GULP1: variants seen among roughly 807,000 people sequenced by gnomAD.
GULP1 encodes GULP PTB domain containing engulfment adaptor 1.
In GULP1, 19 loss-of-function variants were observed where a neutral mutation model predicts 40.9. The observed-to-expected ratio is 0.46, with a 90% confidence interval of 0.32 to 0.68. GULP1 has a LOEUF of 0.68. Ranked by LOEUF, GULP1 falls within the 30% of genes least tolerant of loss-of-function variation. The probability of loss-of-function intolerance (pLI) is 0.03; values close to 1 mark genes in which losing one functional copy is unlikely to be tolerated. For synonymous variants in GULP1, 119 were observed against 117.6 expected, an observed-to-expected ratio of 1.01 and a Z score of -0.08; for missense variants, 312 against 362.2, an observed-to-expected ratio of 0.86 and a Z score of 1.12.
chr2:188,348,217 A>G (rs924292250), intron 1 of GULP1, among the ~76,000 whole-genome samples: 1 of 152,220 alleles, frequency 6.6e-6, no homozygotes, highest in Admixed American at 6.5e-5. Flanking sequence ...CTCTGATACT[A>G]TTTTAAAATA....
At chr2:188,458,020 A>G (rs1247773345) in intron 2 of GULP1, among the ~76,000 whole-genome samples, 2 of 152,168 alleles carry the variant, frequency 1.3e-5, no homozygotes, top group African/African-American at 4.8e-5. Flanking sequence ...TACCCCCATC[A>G]TCATACTCAG....
intron 1 of GULP1, among the ~76,000 whole-genome samples, chr2:188,311,380 A>G (rs1389609476): frequency 6.6e-6 from 1 of 152,084 alleles, no homozygotes; most frequent in African/African-American, 2.4e-5. Flanking sequence ...TATTTTTAGT[A>G]GAGACGGGGT....
chr2:188,589,673 T>A, intron 11 of GULP1: 1 of 793,032 alleles, frequency 1.3e-6, no homozygotes, highest in East Asian at 3.0e-5. Context: ...GTGGTGTTTT[T>A]GCTTTTGCTG....
At chr2:188,478,795 T>C (rs907251903) in intron 3 of GULP1, among the ~76,000 whole-genome samples, 1 of 152,134 alleles carries the variant, frequency 6.6e-6, no homozygotes, top group African/African-American at 2.4e-5. Context: ...TTTTCTAATG[T>C]ATGGATGGAT....
At chr2:188,491,681 G>A (rs2062403852) in intron 4 of GULP1, 1 of 152,086 alleles carries the variant, frequency 6.6e-6, no homozygotes, top group South Asian at 2.1e-4. Context: ...GCACACTCTA[G>A]AGACACTAAA....
chr2:188,470,411 A>G (rs1319509412), intron 2 of GULP1, among the ~76,000 whole-genome samples: 1 of 151,916 alleles, frequency 6.6e-6, no homozygotes, highest in Non-Finnish European at 1.5e-5. Context: ...GTCTCCTTTT[A>G]TGTGTCCGAT....
chr2:188,593,723 T>C, intron 11 of GULP1: 1 of 369,186 alleles, frequency 2.7e-6, no homozygotes, highest in East Asian at 3.9e-5. Context: ...CATGCTAACC[T>C]CACATAGATT....
At chr2:188,517,389 T>C (rs906283637) in intron 4 of GULP1, among the ~76,000 whole-genome samples, 2 of 152,212 alleles carry the variant, frequency 1.3e-5, no homozygotes, top group Non-Finnish European at 2.9e-5. Flanking sequence ...CTTTATGTGC[T>C]ACTTTTTCTA....
At chr2:188,372,438 T>A (rs938517223) in intron 1 of GULP1, among the ~76,000 whole-genome samples, 10 of 152,080 alleles carry the variant, frequency 6.6e-5, no homozygotes, top group Non-Finnish European at 1.5e-4. Context: ...CACTCTGACA[T>A]CACTTGTTGG....
intron 4 of GULP1, among the ~76,000 whole-genome samples, chr2:188,486,733 G>C (rs2061894414): frequency 6.6e-6 from 1 of 151,800 alleles, no homozygotes; most frequent in Non-Finnish European, 1.5e-5. Context: ...GTTCTATGTA[G>C]GGTTCATTAG....
chr2:188,309,727 T>G (rs1264635303), intron 1 of GULP1, among the ~76,000 whole-genome samples: 10 of 152,196 alleles, frequency 6.6e-5, no homozygotes, highest in Admixed American at 6.5e-4. Flanking sequence ...AATTGAGTGA[T>G]CAATCTTGTG....
At chr2:188,572,890 A>G (rs1576210925) in intron 9 of GULP1, among the ~76,000 whole-genome samples, 1 of 152,148 alleles carries the variant, frequency 6.6e-6, no homozygotes, top group East Asian at 1.9e-4. Flanking sequence ...AAGATGATCA[A>G]AGGATGCAAC....
At chr2:188,362,279 A>G (rs2152381897) in intron 1 of GULP1, among the ~76,000 whole-genome samples, 1 of 152,292 alleles carries the variant, frequency 6.6e-6, no homozygotes, top group East Asian at 1.9e-4. Flanking sequence ...TGTATTAAAA[A>G]TATGAGGAAT....
intron 2 of GULP1, among the ~76,000 whole-genome samples, chr2:188,392,700 T>G (rs1286450326): frequency 6.6e-6 from 1 of 152,124 alleles, no homozygotes. Context: ...CAATTTGTGA[T>G]CTTTCAGATT....
At chr2:188,490,208 A>G (rs2062231469) in intron 4 of GULP1, among the ~76,000 whole-genome samples, 1 of 152,136 alleles carries the variant, frequency 6.6e-6, no homozygotes, top group Non-Finnish European at 1.5e-5. Flanking sequence ...TTTCTTGATA[A>G]GGTCATTCAA....
rs147405952 is a variant in GULP1, at chr2:188,393,199, A to G, written c.-45+9310A>G. On this transcript the variant is annotated intron_variant, in intron 2 of 11. Transcript: ENST00000409830. ...ACGTTGAAGTCCCCCCGCGATTACT[A>G]TGTTGCTACCCATCTCATTTCTTAG... Among the ~76,000 whole-genome samples the G allele has an allele frequency of 3.4e-3, 512 of 151,780 alleles. 4 individuals carry two copies. The highest frequency in any genetic ancestry group is 0.012 in the African/African-American group (482 of 41,434).
chr2:188,442,640 A>G (rs915960417), intron 2 of GULP1, among the ~76,000 whole-genome samples: 1 of 152,298 alleles, frequency 6.6e-6, no homozygotes, highest in South Asian at 2.1e-4. Context: ...CACACTTTCT[A>G]CTTAAATGAT....
intron 2 of GULP1, among the ~76,000 whole-genome samples, chr2:188,399,887 A>G (rs1261637365): frequency 6.6e-6 from 1 of 152,114 alleles, no homozygotes; most frequent in Non-Finnish European, 1.5e-5. Flanking sequence ...TCATATGTCA[A>G]TTGCTATCCT....
At chr2:188,387,368 G>A (rs543098124) in intron 2 of GULP1, among the ~76,000 whole-genome samples, 1 of 152,108 alleles carries the variant, frequency 6.6e-6, no homozygotes, top group South Asian at 2.1e-4. Context: ...TACTTATCAA[G>A]CACTGTGATT....
Sources: allele counts gnomAD v4.1 joint callset (sites outside exome capture counted in the v4.1 genomes callset), GRCh38; gene constraint gnomAD v4.1.1; transcripts MANE v1.5; gene names NCBI Gene and HGNC (gene_info 2026-07-23, HGNC 2026-07-21).